PRH1: variants seen among roughly 807,000 people sequenced by gnomAD.
PRH1 encodes the protein proline rich protein HaeIII subfamily 1, also known as salivary acidic proline-rich phosphoprotein 1/2.
A neutral mutation model predicts 7.9 loss-of-function variants in PRH1; 7 were observed. The observed-to-expected ratio is 0.89, with a 90% CI of 0.50 to 1.67. PRH1 has a LOEUF of 1.67. Ranked by LOEUF, PRH1 falls within the 40% of genes most tolerant of loss-of-function variation. The probability of loss-of-function intolerance (pLI) is 0.00; values close to 1 mark genes in which losing one functional copy is unlikely to be tolerated. For missense variants in PRH1, 109 were observed against 223.6 expected (o/e 0.49, Z 3.27); for synonymous variants, 45 against 80.8 (o/e 0.56, Z 2.38).
chr12:11,158,830 T>C (rs958382454), intron 1 of PRH1: 1 of 152,172 alleles, frequency 6.6e-6, no homozygotes, highest in East Asian at 1.9e-4. Flanking sequence ...GCCACAGTAG[T>C]CTCAAGGAGC....
downstream of PRH1, among the ~76,000 whole-genome samples, chr12:11,117,720 C>A (rs1009687479): frequency 3.3e-5 from 5 of 152,096 alleles, no homozygotes; most frequent in African/African-American, 7.2e-5. Context: ...TTAAAACTGA[C>A]ACATAGAACG....
chr12:10,894,886 C>T (rs1291065044), intron 2 of PRH1: 1 of 152,056 alleles, frequency 6.6e-6, no homozygotes, highest in African/African-American at 2.4e-5. Flanking sequence ...ATGTGTAGCC[C>T]TCCTGTTCTT....
At chr12:11,127,369 C>T (rs1946169534) in intron 1 of PRH1, among the ~76,000 whole-genome samples, 1 of 152,282 alleles carries the variant, frequency 6.6e-6, no homozygotes, top group South Asian at 2.1e-4. Flanking sequence ...AATTTTCCAA[C>T]CTAATACATA....
At chr12:11,075,041 C>T (rs1944238064) in intron 1 of PRH1, among the ~76,000 whole-genome samples, 1 of 142,514 alleles carries the variant, frequency 7.0e-6, no homozygotes, top group African/African-American at 2.5e-5. Flanking sequence ...CCCCTCATTG[C>T]TACCCTGGAC....
chr12:10,942,153 T>C (rs1950411761), intron 2 of PRH1, among the ~76,000 whole-genome samples: 1 of 152,048 alleles, frequency 6.6e-6, no homozygotes, highest in Non-Finnish European at 1.5e-5. Flanking sequence ...TCTGTGAGGG[T>C]TCTTAGCTTT....
intron 2 of PRH1, among the ~76,000 whole-genome samples, chr12:10,907,298 T>C (rs1949818143): frequency 6.6e-6 from 1 of 152,184 alleles, no homozygotes; most frequent in Admixed American, 6.6e-5. Context: ...TACATGAATG[T>C]TGATATCAGT....
Position 10,943,064 on chromosome 12 carries a change from G to A in PRH1, c.-59+30591C>T, listed in dbSNP as rs552205033. 7.4e-4 allele frequency among the ~76,000 whole-genome samples: 112 copies of A among 152,284 alleles called. 1 individual carries two copies. Among genetic ancestry groups the A allele is most frequent in the African/African-American group, 2.6e-3 (109 of 41,540 alleles). ...TCACAGTATTTGGGGTGTCTCCCAG[G>A]TTCTGCAGGAGCAGCCCACTTTCTT... On this transcript the variant is annotated intron_variant, in intron 2 of 3. Transcript: ENST00000539853.
At chr12:10,905,738 A>G (rs1246361288) in intron 2 of PRH1, among the ~76,000 whole-genome samples, 2 of 152,216 alleles carry the variant, frequency 1.3e-5, no homozygotes, top group African/African-American at 4.8e-5. Context: ...AGCCATTAAA[A>G]AAAAATGAAA....
intron 1 of PRH1, among the ~76,000 whole-genome samples, chr12:11,020,400 A>ATATATGTC (rs1161246537): frequency 1.0e-4 from 7 of 68,908 alleles, no homozygotes; most frequent in African/African-American, 2.7e-4. Context: ...ATGTCTATAG[A>ATATATGTC]TATAGATATA....
chr12:11,126,068 T>C (rs1011403819), intron 1 of PRH1, among the ~76,000 whole-genome samples: 39 of 79,042 alleles, frequency 4.9e-4, no homozygotes, highest in Admixed American at 2.4e-3. Context: ...CTATGAAACA[T>C]AACATATATA....
intron 2 of PRH1, among the ~76,000 whole-genome samples, chr12:10,968,973 A>C (rs1938653743): frequency 6.6e-6 from 1 of 152,244 alleles, no homozygotes; most frequent in Non-Finnish European, 1.5e-5. Context: ...GCAGAGGTTC[A>C]GTGTAACAAC....
chr12:11,027,326 T>G (rs1941965719), intron 1 of PRH1, among the ~76,000 whole-genome samples: 1 of 150,790 alleles, frequency 6.6e-6, no homozygotes, highest in Non-Finnish European at 1.5e-5. Context: ...AGTGGCAAGT[T>G]TCTTAACTAT....
intron 2 of PRH1, among the ~76,000 whole-genome samples, chr12:10,915,281 G>C (rs1258150934): frequency 6.6e-6 from 1 of 152,200 alleles, no homozygotes; most frequent in Non-Finnish European, 1.5e-5. Flanking sequence ...GTTTGACAAG[G>C]TAATATCAAG....
chr12:11,158,607 T>G (rs1947323627), intron 1 of PRH1, among the ~76,000 whole-genome samples: 1 of 152,206 alleles, frequency 6.6e-6, no homozygotes, highest in Non-Finnish European at 1.5e-5. Flanking sequence ...TCAGACATTA[T>G]GTCCGGCAAC....
chr12:11,095,809 C>T lies in PRH1; in HGVS notation n.124-48621G>A, dbSNP rs554794664. Among the ~76,000 whole-genome samples the T allele has an allele frequency of 2.5e-4, 29 of 115,132 alleles. 6 individuals carry two copies. The highest frequency in any genetic ancestry group is 7.3e-4 in the African/African-American group (25 of 34,464). 75.5% of individuals were successfully genotyped at this position (115,132 alleles called of 152,430 possible). ...CAGAGTGAGAATCCAACTCTACCAA[C>T]AAAAATAATAATAATAATAATTTTT... On this transcript the variant is annotated intron_variant and non_coding_transcript_variant, in intron 1 of 4. Coordinates refer to the PRH1 transcript ENST00000541977.
At chr12:10,883,624 C>A (rs1949444386) in intron 1 of PRH1, among the ~76,000 whole-genome samples, 1 of 152,198 alleles carries the variant, frequency 6.6e-6, no homozygotes, top group Non-Finnish European at 1.5e-5. Context: ...CTTACGCATG[C>A]CATTCCCAGC....
intron 1 of PRH1, chr12:11,034,965 T>A (rs1942374517): frequency 6.6e-6 from 1 of 152,162 alleles, no homozygotes; most frequent in Non-Finnish European, 1.5e-5. Context: ...TTTCTGTTTA[T>A]CAAGATCTAT....
At chr12:10,997,032 C>T (rs753753911) in intron 1 of PRH1, 1 of 1,613,978 alleles carries the variant, frequency 6.2e-7, no homozygotes, top group South Asian at 1.1e-5. Flanking sequence ...GTCTTGTTCC[C>T]CCAAATCAGA....
chr12:11,162,774 C>A (rs1452890361), intron 1 of PRH1, among the ~76,000 whole-genome samples: 1 of 152,176 alleles, frequency 6.6e-6, no homozygotes, highest in Non-Finnish European at 1.5e-5. Context: ...ATGTCCCCAA[C>A]AAATACAGCC....
Sources: allele counts gnomAD v4.1 joint callset (sites outside exome capture counted in the v4.1 genomes callset), GRCh38; gene constraint gnomAD v4.1.1; transcripts MANE v1.5; gene names NCBI Gene and HGNC (gene_info 2026-07-23, HGNC 2026-07-21).